TCF7L2: variants seen among roughly 807,000 people sequenced by gnomAD.
TCF7L2 encodes the protein transcription factor 7-like 2.
Under a neutral mutation model 77.9 loss-of-function variants are expected in TCF7L2, and 23 were observed. The ratio of observed to expected loss-of-function variants is 0.30; its 90% CI spans 0.21 to 0.42. The LOEUF is 0.42. Ranked by LOEUF, TCF7L2 falls within the 10% of genes least tolerant of loss-of-function variation. The probability of loss-of-function intolerance (pLI) is 1.00; values close to 1 mark genes in which losing one functional copy is unlikely to be tolerated. For synonymous variants in TCF7L2, 413 were observed against 340.2 expected, an observed-to-expected ratio of 1.21 and a Z score of -2.36; for missense variants, 654 against 793.1, an observed-to-expected ratio of 0.82 and a Z score of 2.11.
intron 6 of TCF7L2, 69 bp from the exon 7 acceptor site, chr10:113,143,854 C>G: frequency 8.6e-7 from 1 of 1,157,038 alleles, no homozygotes; most frequent in South Asian, 1.4e-5. Flanking sequence ...TTCCCTGTTC[C>G]CATCCCCTAA....
chr10:112,962,388 C>G (rs2035492052), intron 3 of TCF7L2, among the ~76,000 whole-genome samples: 1 of 152,038 alleles, frequency 6.6e-6, no homozygotes, highest in South Asian at 2.1e-4. Flanking sequence ...TGAAGGAGAA[C>G]CCTCCTCAGA....
chr10:113,110,530 G>A (rs1253308490), intron 5 of TCF7L2, among the ~76,000 whole-genome samples: 1 of 152,058 alleles, frequency 6.6e-6, no homozygotes, highest in Non-Finnish European at 1.5e-5. Context: ...GTATACACAT[G>A]TCTTTGGTAA....
rs894473319 is a variant in TCF7L2 at position 113,167,288 on chromosome 10, C to T, written c.*1316C>T. 8.8e-6 allele frequency: 2 copies of T among 227,480 alleles called. No individual in the cohort carries two copies. The highest frequency in any genetic ancestry group is 2.2e-5 in the African/African-American group (1 of 45,044). The allele number at this position is 227,480 out of a possible 1,614,324, so 14.1% of individuals were successfully genotyped here. ...TTCTGTATATTAGATTACTCTTAAA[C>T]GAAAAACCAGCTGCCGCTTTTATGT... On this transcript the variant is annotated 3_prime_UTR_variant, in exon 14 of 14. Transcript: ENST00000627217.
rs116028502 is a variant in TCF7L2 at position 113,078,434 on chromosome 10, T to C, written c.552+38308T>C. ...TTTTATTTTTTGAGCAGGATCTCAC[T>C]GTGTTGCCCAGGCTGAAGTGCAATG... On this transcript the variant is annotated intron_variant, in intron 5 of 13. Coordinates refer to ENST00000627217, the MANE Select transcript of TCF7L2 (RefSeq NM_001146274.2). Among the ~76,000 whole-genome samples, 1,025 of 152,344 alleles carry C rather than the reference T, an allele frequency of 6.7e-3. 12 individuals are homozygous for C. The highest frequency in any genetic ancestry group is 0.023 in the African/African-American group (946 of 41,578).
Position 113,069,420 on chromosome 10 carries a change from G to C in TCF7L2, c.552+29294G>C, listed in dbSNP as rs181452251. On this transcript the variant is annotated intron_variant, in intron 5 of 13. Transcript: ENST00000627217. Reference sequence around the variant, plus strand: ...AATTTTTGTATTTTTAGTAGAGACAGGGTTTCACCATGTTGGCCAGGCTGG... The same window carrying C: ...AATTTTTGTATTTTTAGTAGAGACACGGTTTCACCATGTTGGCCAGGCTGG... Among the ~76,000 whole-genome samples the C allele has an allele frequency of 1.4e-3, 216 of 152,170 alleles. 5 individuals are homozygous for C. In the South Asian group the frequency reaches 0.029, roughly 20 times the overall value.
At chr10:113,047,604 G>C (rs1350058606) in intron 5 of TCF7L2, among the ~76,000 whole-genome samples, 1 of 152,152 alleles carries the variant, frequency 6.6e-6, no homozygotes, top group African/African-American at 2.4e-5. Flanking sequence ...TAGAGGTCTT[G>C]AGTTTACTCT....
intron 4 of TCF7L2, among the ~76,000 whole-genome samples, chr10:113,019,255 C>A (rs897794352): frequency 1.3e-5 from 2 of 152,158 alleles, no homozygotes; most frequent in Admixed American, 6.5e-5. Flanking sequence ...TTGAGGCTGC[C>A]GTTCTGGTGG....
chr10:113,027,651 C>A (rs1035205742), intron 4 of TCF7L2, among the ~76,000 whole-genome samples: 11 of 152,104 alleles, frequency 7.2e-5, no homozygotes, highest in African/African-American at 2.4e-4. Context: ...TTATTGTGCT[C>A]GAAATATCTC....
rs766150377 is a variant in TCF7L2, at chr10:112,951,624, C to G, written c.381+17C>G. The G allele has an allele frequency of 2.6e-6, 3 of 1,162,014 alleles. No homozygotes were observed. The Admixed American group carries it at 1.2e-4, about 45-fold the overall frequency. The allele number at this position is 1,162,014 out of a possible 1,614,324, so 72.0% of individuals were successfully genotyped here. On this transcript the variant is annotated intron_variant, in intron 3 of 13. Transcript: ENST00000627217. ...GCCCGAACCGTAAGTGCCTCCGCGC[C>G]CGGCCCCCGCCCGCTGCCCGCCCGC...
intron 8 of TCF7L2, among the ~76,000 whole-genome samples, chr10:113,148,398 G>A (rs932933255): frequency 2.0e-5 from 3 of 152,180 alleles, no homozygotes; most frequent in Non-Finnish European, 4.4e-5. Context: ...AGGAAGAGAT[G>A]AAATGTTACA....
At chr10:113,157,231 G>A (rs976925329) in intron 11 of TCF7L2, among the ~76,000 whole-genome samples, 1 of 152,210 alleles carries the variant, frequency 6.6e-6, no homozygotes, top group Admixed American at 6.5e-5. Context: ...CGATTCTCCT[G>A]CCTCGGCCTC....
At chr10:113,024,812 G>C (rs1359764917) in intron 4 of TCF7L2, among the ~76,000 whole-genome samples, 6 of 151,636 alleles carry the variant, frequency 4.0e-5, no homozygotes, top group African/African-American at 4.8e-5. Flanking sequence ...TAGAGATGAG[G>C]TTTCACCCTG....
In TCF7L2 at chr10:113,065,588, G is replaced by A. The variant is rs115854582; in HGVS notation, c.552+25462G>A. On this transcript the variant is annotated intron_variant, in intron 5 of 13. Coordinates refer to ENST00000627217, the MANE Select transcript of TCF7L2 (RefSeq NM_001146274.2). ...GGTTTCTTTATCTGTTAAGAATCGG[G>A]ATAACTGGGGCTTCTGAAGGGGTAG... Among the ~76,000 whole-genome samples, 912 of 152,290 alleles carry A rather than the reference G, an allele frequency of 6.0e-3. 8 individuals are homozygous for A. Among genetic ancestry groups the A allele is most frequent in the African/African-American group, 0.022 (894 of 41,552 alleles).
At chr10:113,120,865 G>C (rs2064662204) in intron 5 of TCF7L2, among the ~76,000 whole-genome samples, 1 of 152,144 alleles carries the variant, frequency 6.6e-6, no homozygotes, top group Non-Finnish European at 1.5e-5. Context: ...TTGGCTAAAT[G>C]CTTGGCTCAG....
intron 4 of TCF7L2, among the ~76,000 whole-genome samples, chr10:113,033,002 T>TA (rs886363751): frequency 6.6e-6 from 1 of 152,218 alleles, no homozygotes; most frequent in Non-Finnish European, 1.5e-5. Context: ...GATGCCTTGA[T>TA]ATCCTACCTT....
chr10:113,131,509 A>G (rs2066597957), intron 5 of TCF7L2, among the ~76,000 whole-genome samples: 1 of 152,104 alleles, frequency 6.6e-6, no homozygotes, highest in Non-Finnish European at 1.5e-5. Flanking sequence ...GAGGTTCTAG[A>G]CCCTAGTTTA....
intron 3 of TCF7L2, among the ~76,000 whole-genome samples, chr10:112,953,705 C>G (rs1395050338): frequency 6.6e-6 from 1 of 152,184 alleles, no homozygotes. Context: ...AATTAGCAAA[C>G]AGGGAAATTG....
chr10:112,992,435 G>A (rs532176437), intron 4 of TCF7L2, among the ~76,000 whole-genome samples: 24 of 152,308 alleles, frequency 1.6e-4, no homozygotes, highest in Non-Finnish European at 2.9e-4. Context: ...ATCTGTGGGC[G>A]TTGGGATTCC....
chr10:113,145,390 G>A (rs991521756), intron 7 of TCF7L2, among the ~76,000 whole-genome samples: 2 of 152,100 alleles, frequency 1.3e-5, no homozygotes, highest in African/African-American at 4.8e-5. Flanking sequence ...AAAGTTGTGT[G>A]TCTTTCATGA....
Sources: gnomAD v4.1 joint callset for allele counts (sites outside exome capture counted in the v4.1 genomes callset) on GRCh38, gnomAD v4.1.1 for gene constraint, MANE v1.5 for transcripts, NCBI Gene and HGNC (gene_info 2026-07-23, HGNC 2026-07-21) for gene names.